Variants in MICAL2 observed in about 807,000 individuals in gnomAD.
MICAL2 encodes the protein microtubule associated monooxygenase, calponin and LIM domain containing 2.
Under a neutral mutation model 127.3 loss-of-function variants are expected in MICAL2, and 77 were observed. The ratio of observed to expected loss-of-function variants is 0.60; its 90% CI spans 0.50 to 0.73. The LOEUF is 0.73. MICAL2 is among the 30% of genes least tolerant of loss of function. The pLI is 0.00. For missense variants in MICAL2, 1,351 were observed against 1,434.4 expected, an observed-to-expected ratio of 0.94 and a Z score of 0.94; for synonymous variants, 570 against 551.1, an observed-to-expected ratio of 1.03 and a Z score of -0.48.
chr11:12,323,949 A>T, intron 30 of MICAL2: 1 of 1,586,098 alleles, frequency 6.3e-7, no homozygotes, highest in South Asian at 1.2e-5. Flanking sequence ...TTTCTCTGAC[A>T]TAATTTTTTT....
chr11:12,140,558 G>A (rs1852256072), intron 2 of MICAL2, among the ~76,000 whole-genome samples: 1 of 150,596 alleles, frequency 6.6e-6, no homozygotes, highest in Non-Finnish European at 1.5e-5. Context: ...GCAGCAAAGA[G>A]AACACTACCC....
At chr11:12,289,877 A>G (rs1421807439), downstream of MICAL2, among the ~76,000 whole-genome samples, 1 of 152,146 alleles carries the variant, frequency 6.6e-6, no homozygotes, top group Non-Finnish European at 1.5e-5. Flanking sequence ...CCAACTGGCA[A>G]TCTCTTTTTA....
chr11:12,200,788 C>T (rs577237380), intron 3 of MICAL2, among the ~76,000 whole-genome samples: 3 of 152,160 alleles, frequency 2.0e-5, no homozygotes, highest in East Asian at 3.9e-4. Flanking sequence ...CTACTGTTTG[C>T]GTGCAAAATG....
chr11:12,273,544 GT>G (rs11334681), upstream of MICAL2, among the ~76,000 whole-genome samples: 64,808 of 143,578 alleles, frequency 0.45, 15,172 homozygotes, highest in Non-Finnish European at 0.55. Context: ...CTGCAGACAT[GT>G]TTTTTTTTTT....
chr11:12,226,924 AT>A (rs1390029734), intron 14 of MICAL2, 100 bp from the exon 15 acceptor site: 1 of 876,804 alleles, frequency 1.1e-6, no homozygotes, highest in Non-Finnish European at 1.9e-6. Context: ...AAGTGCTGGG[AT>A]TACAGGCGTG....
At chr11:12,155,322 ACG>A (rs1278302064) in intron 2 of MICAL2, among the ~76,000 whole-genome samples, 11 of 152,148 alleles carry the variant, frequency 7.2e-5, no homozygotes, top group Admixed American at 2.6e-4. Flanking sequence ...ATACACACAC[ACG>A]CACATATACA....
rs1860158206 is a variant in MICAL2 at position 12,242,752 on chromosome 11, G to T, written c.2638G>T (p.Gly880Ter). ...EKAAHLASMF[G>*]HGDFPQNKLL... ...GGCGGCTCACCTTGCCTCCATGTTT[G>T]GACACGGGGATTTCCCGCAGGTAAA... Residue 880 changes from glycine (G) to a stop codon, truncating the protein, a stop_gained, in exon 20 of 28, where the codon GGA (glycine) becomes TGA (stop). Transcript: ENST00000683283. LOFTEE classifies it high-confidence loss of function. The T allele has an allele frequency of 6.2e-7, 1 of 1,608,508 alleles. No individual in the cohort carries two copies. Among genetic ancestry groups the T allele is most frequent in the Admixed American group, 1.7e-5 (1 of 58,566 alleles).
chr11:12,147,801 C>T (rs1466553167), intron 2 of MICAL2, among the ~76,000 whole-genome samples: 1 of 152,160 alleles, frequency 6.6e-6, no homozygotes, highest in Non-Finnish European at 1.5e-5. Flanking sequence ...TAGTGGGTCC[C>T]AAAGTTGGCT....
At chr11:12,192,710 G>A (rs948563380) in intron 3 of MICAL2, among the ~76,000 whole-genome samples, 8 of 152,076 alleles carry the variant, frequency 5.3e-5, no homozygotes, top group African/African-American at 1.7e-4. Context: ...CCCAGGAGGC[G>A]GAGGTTCCAG....
At chr11:12,276,245 C>G (rs867854463) in intron 1 of MICAL2, 9 of 398,322 alleles carry the variant, frequency 2.3e-5, no homozygotes, top group South Asian at 1.3e-4. Flanking sequence ...GGTCTTCTCT[C>G]TACTTGCTTG....
At position 12,138,081 on chromosome 11, in the gene MICAL2, G is replaced by T. The variant is rs930124381; in HGVS notation, c.-148-309G>T. On this transcript the variant is annotated intron_variant, in intron 1 of 27. Transcript: ENST00000683283. ...CACTTTCTGTTTTTACTAAAGCAGCGAATAAAGCATTGTTTTCCGGATCCC... is the reference window on the plus strand; with the variant it reads ...CACTTTCTGTTTTTACTAAAGCAGCTAATAAAGCATTGTTTTCCGGATCCC... Among the ~76,000 whole-genome samples, 3 of 152,200 alleles carry T rather than the reference G, an allele frequency of 2.0e-5. No homozygotes were observed. In the East Asian group the frequency reaches 5.8e-4, roughly 29 times the overall value.
At chr11:12,331,206 C>A (rs1462402990) in intron 32 of MICAL2, among the ~76,000 whole-genome samples, 2 of 152,126 alleles carry the variant, frequency 1.3e-5, no homozygotes, top group African/African-American at 4.8e-5. Flanking sequence ...GACCACCATT[C>A]AAATTTAAAT....
chr11:12,335,297 A>G (rs1308592853), intron 32 of MICAL2, among the ~76,000 whole-genome samples: 2 of 149,786 alleles, frequency 1.3e-5, no homozygotes, highest in East Asian at 2.0e-4. Flanking sequence ...TTTTGATGGG[A>G]TTGTTTGTTT....
rs377420241 is a variant in MICAL2, at chr11:12,208,627, A to G, written c.589+488A>G. On this transcript the variant is annotated intron_variant, in intron 5 of 27. Transcript: ENST00000683283. ...TCTTAACCATGTTGAGGTATCATTTATAAACTATGATATTTGCCCGTATAG... is the reference window on the plus strand; with the variant it reads ...TCTTAACCATGTTGAGGTATCATTTGTAAACTATGATATTTGCCCGTATAG... 4.7e-4 allele frequency among the ~76,000 whole-genome samples: 71 copies of G among 152,382 alleles called. 1 individual carries two copies. Among genetic ancestry groups the G allele is most frequent in the African/African-American group, 1.3e-3 (54 of 41,594 alleles).
At chr11:12,297,797 C>T (rs535849426) in intron 29 of MICAL2, among the ~76,000 whole-genome samples, 18 of 152,022 alleles carry the variant, frequency 1.2e-4, no homozygotes, top group South Asian at 2.1e-4. Flanking sequence ...TGTGAGATGA[C>T]GTATTTATCA....
intron 32 of MICAL2, among the ~76,000 whole-genome samples, chr11:12,331,282 G>A (rs1265227795): frequency 1.3e-5 from 2 of 152,156 alleles, no homozygotes; most frequent in Non-Finnish European, 2.9e-5. Context: ...GAGTAACTTC[G>A]AAAGAGAAAG....
chr11:12,340,325 CTA>C (rs908131765), intron 32 of MICAL2, among the ~76,000 whole-genome samples: 1 of 152,100 alleles, frequency 6.6e-6, no homozygotes, highest in Admixed American at 6.5e-5. Flanking sequence ...ATAATTCAGA[CTA>C]CAGTAAAAAA....
chr11:12,320,870 A>T (rs1864286969), intron 30 of MICAL2, among the ~76,000 whole-genome samples: 2 of 152,060 alleles, frequency 1.3e-5, no homozygotes, highest in Non-Finnish European at 2.9e-5. Flanking sequence ...AGGGAGAAAG[A>T]TGTATGAATT....
intron 29 of MICAL2, among the ~76,000 whole-genome samples, chr11:12,315,833 C>A (rs186490565): frequency 1.6e-3 from 247 of 152,180 alleles, no homozygotes; most frequent in African/African-American, 5.7e-3. Context: ...AGGGTTAATA[C>A]CCCTTAGCTA....
Sources: allele counts gnomAD v4.1 joint callset (sites outside exome capture counted in the v4.1 genomes callset), GRCh38; gene constraint gnomAD v4.1.1; transcripts MANE v1.5; gene names NCBI Gene and HGNC (gene_info 2026-07-23, HGNC 2026-07-21).